The following PAGE5 variants were observed in gnomAD, a reference collection of about 807,000 sequenced individuals.
The protein encoded by PAGE5 is PAGE family member 5.
Under a neutral mutation model 8.1 loss-of-function variants are expected in PAGE5, and 8 were observed. That is an observed-to-expected ratio of 0.98 (90% confidence interval 0.58 to 1.77). The LOEUF (loss-of-function observed/expected upper bound fraction) is 1.77, where lower values mean the gene tolerates loss of function less well. PAGE5 is among the 40% of genes most tolerant of loss of function. The pLI, the probability that PAGE5 is intolerant of heterozygous loss-of-function variation, is 0.00. For synonymous variants in PAGE5, 30 were observed against 27.0 expected (o/e 1.11, Z -0.35); for missense variants, 64 against 77.6 (o/e 0.82, Z 0.66).
At chrX:55,220,611 A>G in intron 1 of PAGE5, 159 bp downstream of exon 1, 5 of 1,198,493 alleles carry the variant, frequency 4.2e-6, no homozygotes, top group Non-Finnish European at 5.6e-6. Flanking sequence ...TGCAGGCGCC[A>G]TGGGCCGGTA....
intron 2 of PAGE5, 100 bp downstream of exon 2, chrX:55,221,563 T>G: frequency 5.0e-6 from 5 of 998,230 alleles, no homozygotes; most frequent in Non-Finnish European, 6.8e-6. Flanking sequence ...TCCATGCTAA[T>G]AAAAAATGAT....
chrX:55,223,638 A>G (rs1937922026), intron 4 of PAGE5, among the ~76,000 whole-genome samples: 1 of 35,767 alleles, frequency 2.8e-5, no homozygotes, highest in Non-Finnish European at 9.7e-5. Flanking sequence ...GATACTTTAA[A>G]AATATATTTT....
At chrX:55,220,819 C>T (rs1937882200) in intron 1 of PAGE5, among the ~76,000 whole-genome samples, 2 of 110,838 alleles carry the variant, frequency 1.8e-5, no homozygotes, top group African/African-American at 6.6e-5. Context: ...AAGGAAGGGG[C>T]CAGGAAACTG....
intron 2 of PAGE5, 42 bp downstream of exon 2, chrX:55,221,505 AT>A (rs1354391011): frequency 1.1e-5 from 13 of 1,153,391 alleles, no homozygotes; most frequent in Non-Finnish European, 1.4e-5. Flanking sequence ...AACACATTTT[AT>A]TTTAAAAAAT....
At chrX:55,222,147 A>T (rs1390289479) in intron 3 of PAGE5, among the ~76,000 whole-genome samples, 5 of 111,452 alleles carry the variant, frequency 4.5e-5, no homozygotes, top group African/African-American at 1.6e-4. Context: ...TTGTTCAGCT[A>T]TTTTCTGTTT....
chrX:55,221,474 T>C lies in PAGE5; in HGVS notation c.81+11T>C, dbSNP rs775816390. On this transcript the variant is annotated intron_variant, in intron 2 of 4. Transcript: ENST00000374955. ...GTTGGACCTGTGATTGTGAGTCCTT[T>C]AGCATTTGATGTTTTCTATTAACAC... 9 of 1,191,205 alleles carry C rather than the reference T, an allele frequency of 7.6e-6. No individual in the cohort carries two copies. Among genetic ancestry groups the C allele is most frequent in the Non-Finnish European group, 1.0e-5 (9 of 879,767 alleles).
intron 4 of PAGE5, 130 bp from the exon 5 acceptor site, chrX:55,223,857 T>A: frequency 2.5e-6 from 1 of 397,873 alleles, no homozygotes; most frequent in Non-Finnish European, 4.2e-6. Context: ...AGAGGCTAAC[T>A]GGATGTAAGC....
At chrX:55,221,563 T>TAA (rs767817133) in intron 2 of PAGE5, 100 bp downstream of exon 2, 1 of 996,242 alleles carries the variant, frequency 1.0e-6, no homozygotes, top group East Asian at 3.3e-5. Context: ...TCCATGCTAA[T>TAA]AAAAAATGAT....
intron 4 of PAGE5, among the ~76,000 whole-genome samples, chrX:55,223,343 T>C (rs1489647133): frequency 8.9e-6 from 1 of 112,192 alleles, no homozygotes; most frequent in Non-Finnish European, 1.9e-5. Context: ...TATGTTGTAA[T>C]GTTAATTGTG....
chrX:55,221,667 A>C, intron 2 of PAGE5, 100 bp from the exon 3 acceptor site: 6 of 935,157 alleles, frequency 6.4e-6, no homozygotes, highest in African/African-American at 1.9e-5. Context: ...CTATATATAT[A>C]TCTATTGGAA....
rs1232684019 is a variant in PAGE5 at position 55,220,397 on chromosome X, G to A, written c.-64G>A. ...GAGAGGTTGTGTCTTCGTTCTTTCC[G>A]CCATCTTCGTTCTTTCCAACATCTT... On this transcript the variant is annotated 5_prime_UTR_variant, in exon 1 of 5. Coordinates refer to ENST00000374955, the MANE Select transcript of PAGE5 (RefSeq NM_001013435.3). 2.1e-5 allele frequency: 9 copies of A among 428,541 alleles called. No individual in the cohort carries two copies. The highest frequency in any genetic ancestry group is 3.4e-5 in the Non-Finnish European group (8 of 238,244). 35.3% of individuals were successfully genotyped at this position (428,541 alleles called of 1,213,427 possible). A position where few individuals can be genotyped will look rare whatever the true frequency, so the allele number is the denominator to read the frequency against.
intron 4 of PAGE5, among the ~76,000 whole-genome samples, chrX:55,223,514 AACACTTTTTCACAAGAT>A (rs1340974627): frequency 8.9e-6 from 1 of 112,396 alleles, no homozygotes; most frequent in Non-Finnish European, 1.9e-5. Flanking sequence ...GTAACATTTT[AACACTTTTTCACAAGAT>A]ACACAAAAGT....
chrX:55,220,351 G>C lies in PAGE5; in HGVS notation c.-110G>C, dbSNP rs1205347282. 2.6e-6 allele frequency: 1 copy of C among 385,070 alleles called. No homozygotes were observed. Among genetic ancestry groups the C allele is most frequent in the African/African-American group, 2.5e-5 (1 of 39,513 alleles). The allele number at this position is 385,070 out of a possible 1,213,427, so 31.7% of individuals were successfully genotyped here. ...GCATGCGCCTTTCTGCCCACCTTCT[G>C]TCTAGGCAGAGCTCTGCAAGGAGAG... On this transcript the variant is annotated 5_prime_UTR_variant, in exon 1 of 5. Transcript: ENST00000374955.
Position 55,221,893 on chromosome X carries a change from A to G in PAGE5, c.190+18A>G. On this transcript the variant is annotated intron_variant, in intron 3 of 4. Transcript: ENST00000374955. ...TGTTCAAGGTGAAGGGAGAGTGGAGAATAATGCTTATGGGTGGTGGAGGTC... is the reference window on the plus strand; with the variant it reads ...TGTTCAAGGTGAAGGGAGAGTGGAGGATAATGCTTATGGGTGGTGGAGGTC... 1 of 1,181,366 alleles carries G rather than the reference A, an allele frequency of 8.5e-7. No homozygotes were observed. The highest frequency in any genetic ancestry group is 1.1e-6 in the Non-Finnish European group (1 of 874,072).
chrX:55,221,647 T>G (rs191772467), intron 2 of PAGE5, 120 bp from the exon 3 acceptor site: 1 of 910,602 alleles, frequency 1.1e-6, no homozygotes, highest in Admixed American at 3.2e-5. Context: ...ATGGATATTT[T>G]ACTCTCTCTC....
chrX:55,222,484 T>C (rs1431931622), intron 3 of PAGE5, 137 bp from the exon 4 acceptor site: 69 of 740,083 alleles, frequency 9.3e-5, no homozygotes, highest in Non-Finnish European at 4.6e-5. Flanking sequence ...CATTTCTGCT[T>C]TCCTGCTTTT....
chrX:55,221,568 AATG>A (rs1937892126), intron 2 of PAGE5, 105 bp downstream of exon 2: 3 of 989,999 alleles, frequency 3.0e-6, no homozygotes, highest in South Asian at 4.8e-5. Context: ...GCTAATAAAA[AATG>A]ATGATGGCAT....
rs774418290 is a variant in PAGE5, at chrX:55,221,485, GTT to G, written c.81+25_81+26del. On this transcript the variant is annotated intron_variant, in intron 2 of 4. Transcript: ENST00000374955. ...GATTGTGAGTCCTTTAGCATTTGAT[GTT>G]TTCTATTAACACATTTTATTTTAAA... The G allele has an allele frequency of 3.4e-6, 4 of 1,179,112 alleles. No homozygotes were observed. In the African/African-American group the frequency reaches 5.3e-5, roughly 16 times the overall value.
intron 1 of PAGE5, 177 bp downstream of exon 1, chrX:55,220,629 C>A: frequency 8.3e-7 from 1 of 1,202,583 alleles, no homozygotes; most frequent in Non-Finnish European, 1.1e-6. Context: ...GTAATCGTGG[C>A]TGGGCTGGAA....
Sources: gnomAD v4.1 joint callset for allele counts (sites outside exome capture counted in the v4.1 genomes callset) on GRCh38, gnomAD v4.1.1 for gene constraint, MANE v1.5 for transcripts, NCBI Gene and HGNC (gene_info 2026-07-23, HGNC 2026-07-21) for gene names.